ENTREP2: variants seen among roughly 807,000 people sequenced by gnomAD.
The protein encoded by ENTREP2 is protein ENTREP2.
chr15:29,197,624 G>A, the ENTREP2 span, among the ~76,000 whole-genome samples: 20 of 151,944 alleles, frequency 1.3e-4, no homozygotes, highest in African/African-American at 4.1e-4. Flanking sequence ...AAATTAGCTC[G>A]GCGTGGTGCT....
At chr15:29,557,674 G>A in the ENTREP2 span, among the ~76,000 whole-genome samples, 5 of 152,096 alleles carry the variant, frequency 3.3e-5, no homozygotes, top group African/African-American at 1.2e-4. Context: ...CTCATCTGGG[G>A]CCAAAAAGGA....
the ENTREP2 span, chr15:29,269,875 C>T: frequency 1.2e-4 from 76 of 619,806 alleles, no homozygotes; most frequent in Non-Finnish European, 1.5e-4. Flanking sequence ...GGGCGGTGCG[C>T]CTGCGCGGCT....
At chr15:29,586,264 C>G in the ENTREP2 span, among the ~76,000 whole-genome samples, 2 of 152,000 alleles carry the variant, frequency 1.3e-5, no homozygotes, top group Non-Finnish European at 2.9e-5. Context: ...GAGGCAAATC[C>G]ACAGAGAGAA....
chr15:29,140,269 C>A, the ENTREP2 span, among the ~76,000 whole-genome samples: 3 of 152,196 alleles, frequency 2.0e-5, no homozygotes, highest in African/African-American at 7.2e-5. Context: ...GTCTCACAAT[C>A]GCACACAGCG....
the ENTREP2 span, among the ~76,000 whole-genome samples, chr15:29,431,385 T>C: frequency 6.6e-6 from 1 of 152,216 alleles, no homozygotes; most frequent in African/African-American, 2.4e-5. Context: ...AGCTGTGTCA[T>C]TTTGAATCTT....
At chr15:29,335,330 T>C in the ENTREP2 span, among the ~76,000 whole-genome samples, 76 of 152,322 alleles carry the variant, frequency 5.0e-4, no homozygotes, top group African/African-American at 1.7e-3. Context: ...GCAGGACTAA[T>C]GTATCTTCCC....
At chr15:29,584,952 T>C in the ENTREP2 span, among the ~76,000 whole-genome samples, 1 of 151,928 alleles carries the variant, frequency 6.6e-6, no homozygotes, top group Admixed American at 6.6e-5. Context: ...TCAATTATAC[T>C]TCAATAAAGC....
At chr15:29,407,712 T>C in the ENTREP2 span, among the ~76,000 whole-genome samples, 3 of 151,938 alleles carry the variant, frequency 2.0e-5, no homozygotes, top group Non-Finnish European at 2.9e-5. Context: ...CTGTCACCCA[T>C]GCTGGAGTGC....
At chr15:29,532,581 C>G in the ENTREP2 span, among the ~76,000 whole-genome samples, 1 of 152,134 alleles carries the variant, frequency 6.6e-6, no homozygotes, top group East Asian at 1.9e-4. Flanking sequence ...ATGTGCCAAA[C>G]AGCATCATCT....
the ENTREP2 span, among the ~76,000 whole-genome samples, chr15:29,300,060 G>T: frequency 1.3e-5 from 2 of 151,260 alleles, no homozygotes; most frequent in Non-Finnish European, 2.9e-5. Context: ...TAGATGAATG[G>T]GTAGGTGGGT....
At chr15:29,527,771 T>C in the ENTREP2 span, among the ~76,000 whole-genome samples, 126 of 152,214 alleles carry the variant, frequency 8.3e-4, 1 homozygote, top group African/African-American at 3.0e-3. Flanking sequence ...CTGTATGTAA[T>C]CTCAAGGTCT....
the ENTREP2 span, among the ~76,000 whole-genome samples, chr15:29,550,512 C>G: frequency 6.6e-6 from 1 of 152,188 alleles, no homozygotes; most frequent in Non-Finnish European, 1.5e-5. Context: ...TGAAGTCTGA[C>G]AGTTACCAAA....
At chr15:29,167,334 TA>T in the ENTREP2 span, among the ~76,000 whole-genome samples, 1 of 151,302 alleles carries the variant, frequency 6.6e-6, no homozygotes, top group East Asian at 1.9e-4. Flanking sequence ...CAAATTAAAC[TA>T]AAGAGGTTTT....
At chr15:29,181,643 G>C in the ENTREP2 span, among the ~76,000 whole-genome samples, 1 of 151,998 alleles carries the variant, frequency 6.6e-6, no homozygotes, top group Non-Finnish European at 1.5e-5. Context: ...GTAGTTTCAT[G>C]TATATTCACT....
At chr15:29,265,811 G>A in the ENTREP2 span, 1 of 151,992 alleles carries the variant, frequency 6.6e-6, no homozygotes, top group Non-Finnish European at 1.5e-5. Flanking sequence ...TATCCATATA[G>A]GAAAAATACA....
the ENTREP2 span, among the ~76,000 whole-genome samples, chr15:29,438,605 C>A: frequency 6.6e-6 from 1 of 151,994 alleles, no homozygotes; most frequent in African/African-American, 2.4e-5. Flanking sequence ...CCATCCAACC[C>A]GGCCCCTGTA....
chr15:29,641,238 A>G, the ENTREP2 span, among the ~76,000 whole-genome samples: 6,940 of 152,310 alleles, frequency 0.046, 188 homozygotes, highest in South Asian at 0.065. Flanking sequence ...GAGACTGCCT[A>G]CTTTTCCCCT....
At chr15:29,645,802 C>T in the ENTREP2 span, among the ~76,000 whole-genome samples, 5 of 152,058 alleles carry the variant, frequency 3.3e-5, no homozygotes, top group Admixed American at 6.6e-5. Context: ...CCTCGTGATC[C>T]GCCCACTCAG....
At chr15:29,278,369 G>A in the ENTREP2 span, among the ~76,000 whole-genome samples, 1 of 152,196 alleles carries the variant, frequency 6.6e-6, no homozygotes, top group African/African-American at 2.4e-5. Flanking sequence ...TGTGCTGGCA[G>A]AAGCCCGTGT....
Sources: gnomAD v4.1 joint callset for allele counts (sites outside exome capture counted in the v4.1 genomes callset) on GRCh38, gnomAD v4.1.1 for gene constraint, MANE v1.5 for transcripts, NCBI Gene and HGNC (gene_info 2026-07-23, HGNC 2026-07-21) for gene names.